The following SLC6A11 variants were observed in gnomAD, a reference collection of about 807,000 sequenced individuals.
The protein encoded by SLC6A11 is solute carrier family 6 member 11, also known as sodium- and chloride-dependent GABA transporter 3.
In SLC6A11, 25 loss-of-function variants were observed where a neutral mutation model predicts 74.8. The ratio of observed to expected loss-of-function variants is 0.33; its 90% CI spans 0.24 to 0.47. SLC6A11 has a LOEUF of 0.47. SLC6A11 is among the 20% of genes least tolerant of loss of function. The probability of loss-of-function intolerance (pLI) is 1.00; values close to 1 mark genes in which losing one functional copy is unlikely to be tolerated. For synonymous variants in SLC6A11, 330 were observed against 330.2 expected (o/e 1.00, Z 0.01); for missense variants, 574 against 837.0 (o/e 0.69, Z 3.88).
intron 4 of SLC6A11, among the ~76,000 whole-genome samples, chr3:10,841,806 T>C (rs185581424): frequency 6.6e-4 from 101 of 152,152 alleles, no homozygotes; most frequent in African/African-American, 2.4e-3. Flanking sequence ...CACATGTCTG[T>C]GTGTGTGTGT....
chr3:10,920,289 CAG>C (rs567097435), intron 8 of SLC6A11, among the ~76,000 whole-genome samples: 182 of 152,210 alleles, frequency 1.2e-3, no homozygotes, highest in African/African-American at 4.3e-3. Context: ...TGTGGAAAAA[CAG>C]AGAAACATTA....
intron 5 of SLC6A11, 129 bp from the exon 6 acceptor site, chr3:10,874,832 G>A (rs1185874397): frequency 7.1e-6 from 6 of 842,594 alleles, no homozygotes; most frequent in South Asian, 4.6e-5. Context: ...CTATACACGC[G>A]GGGGAATGCT....
At chr3:10,922,173 A>G (rs1459058949) in intron 8 of SLC6A11, among the ~76,000 whole-genome samples, 3 of 152,216 alleles carry the variant, frequency 2.0e-5, no homozygotes, top group Admixed American at 1.3e-4. Context: ...GCAGAGCACA[A>G]TTCTTTTCCA....
At chr3:10,839,480 G>C (rs1226108863) in intron 4 of SLC6A11, among the ~76,000 whole-genome samples, 1 of 152,102 alleles carries the variant, frequency 6.6e-6, no homozygotes, top group Non-Finnish European at 1.5e-5. Context: ...CCCTCCCTCT[G>C]CCTTGAGGAT....
chr3:10,877,587 C>T (rs546862271), intron 6 of SLC6A11, among the ~76,000 whole-genome samples: 17 of 152,324 alleles, frequency 1.1e-4, no homozygotes, highest in Admixed American at 3.3e-4. Flanking sequence ...CTCTGACTTC[C>T]AGACTCTCAG....
intron 5 of SLC6A11, among the ~76,000 whole-genome samples, chr3:10,873,540 C>A (rs1694861160): frequency 6.8e-6 from 1 of 146,074 alleles, no homozygotes; most frequent in South Asian, 2.1e-4. Context: ...CTGTCCTATC[C>A]TATCCTATCC....
At chr3:10,848,289 G>C (rs1408232793) in intron 5 of SLC6A11, among the ~76,000 whole-genome samples, 1 of 152,212 alleles carries the variant, frequency 6.6e-6, no homozygotes, top group East Asian at 1.9e-4. Flanking sequence ...ATCAGGTCAC[G>C]AATAAGTTGA....
intron 6 of SLC6A11, among the ~76,000 whole-genome samples, chr3:10,906,052 A>G (rs868719076): frequency 1.3e-5 from 2 of 152,068 alleles, no homozygotes; most frequent in Non-Finnish European, 2.9e-5. Context: ...TGATGTCTCA[A>G]ACTTCCCTTC....
chr3:10,836,373 T>C (rs921506469), intron 4 of SLC6A11, among the ~76,000 whole-genome samples: 3 of 152,260 alleles, frequency 2.0e-5, no homozygotes, highest in Non-Finnish European at 4.4e-5. Flanking sequence ...CTTGGGCTTA[T>C]ATTCAGGAGA....
intron 6 of SLC6A11, among the ~76,000 whole-genome samples, chr3:10,897,149 A>G (rs1695181338): frequency 6.6e-6 from 1 of 152,168 alleles, no homozygotes; most frequent in Non-Finnish European, 1.5e-5. Flanking sequence ...ATTACCTCCC[A>G]CCAGATCCCT....
At chr3:10,873,399 G>GCTATGCTATC (rs1694852474) in intron 5 of SLC6A11, among the ~76,000 whole-genome samples, 6 of 90,762 alleles carry the variant, frequency 6.6e-5, no homozygotes, top group Non-Finnish European at 1.1e-4. Context: ...CCTATCCTAT[G>GCTATGCTATC]CTATCCTATC....
chr3:10,887,791 CTT>C (rs1391242791), intron 6 of SLC6A11, among the ~76,000 whole-genome samples: 1 of 152,172 alleles, frequency 6.6e-6, no homozygotes, highest in African/African-American at 2.4e-5. Flanking sequence ...GAAGAAAAGT[CTT>C]TTCAGAAAGA....
intron 5 of SLC6A11, among the ~76,000 whole-genome samples, chr3:10,873,991 C>CGCTACGCTAT (rs1553671319): frequency 1.2e-3 from 165 of 136,470 alleles, no homozygotes; most frequent in Middle Eastern, 7.1e-3. Flanking sequence ...CGCTACGCTA[C>CGCTACGCTAT]GCTATGCTAT....
In SLC6A11 at chr3:10,816,596, G is replaced by C; in HGVS notation, c.256+75G>C. ...GGCGGGGAGCCAGGGGCGAGCGCGA[G>C]ACCCCCTCCCGCGCCTGCGTGGAGC... is the stretch of plus-strand genomic sequence containing the variant. On this transcript the variant is annotated intron_variant, in intron 1 of 13. Coordinates refer to ENST00000254488, the MANE Select transcript of SLC6A11 (RefSeq NM_014229.3). This position sits in a 1 kb window ranked among gnomAD's most constrained non-coding sequence, Gnocchi z 4.2. 2 of 1,390,408 alleles carry C rather than the reference G, an allele frequency of 1.4e-6. No homozygotes were observed. The highest frequency in any genetic ancestry group is 1.5e-5 in the South Asian group (1 of 66,026). 86.1% of individuals were successfully genotyped at this position (1,390,408 alleles called of 1,614,324 possible).
At chr3:10,873,675 A>G (rs1308508893) in intron 5 of SLC6A11, among the ~76,000 whole-genome samples, 69 of 105,956 alleles carry the variant, frequency 6.5e-4, no homozygotes, top group Admixed American at 2.9e-3. Flanking sequence ...ATCCTATCCT[A>G]TCCTATCCCG....
intron 12 of SLC6A11, among the ~76,000 whole-genome samples, chr3:10,934,534 CT>C (rs1695733500): frequency 1.3e-5 from 2 of 152,238 alleles, no homozygotes; most frequent in Admixed American, 1.3e-4. Context: ...AAGGGTGACA[CT>C]GGGGTTCATG....
At chr3:10,838,934 C>T (rs1412907171) in intron 4 of SLC6A11, among the ~76,000 whole-genome samples, 1 of 152,148 alleles carries the variant, frequency 6.6e-6, no homozygotes, top group Non-Finnish European at 1.5e-5. Flanking sequence ...CAGTTCCGCT[C>T]CTTCCTCCAA....
chr3:10,857,401 G>A (rs557835774), intron 5 of SLC6A11, among the ~76,000 whole-genome samples: 2 of 152,262 alleles, frequency 1.3e-5, no homozygotes, highest in African/African-American at 4.8e-5. Context: ...AGCCATTGAT[G>A]TTCCTGAGTA....
chr3:10,892,445 G>A (rs1306480449), intron 6 of SLC6A11, among the ~76,000 whole-genome samples: 5 of 152,108 alleles, frequency 3.3e-5, no homozygotes, highest in South Asian at 2.1e-4. Context: ...TGCATGGTAC[G>A]AAACTCCCAG....
Sources: allele counts gnomAD v4.1 joint callset (sites outside exome capture counted in the v4.1 genomes callset), GRCh38; gene constraint gnomAD v4.1.1; non-coding constraint Gnocchi (gnomAD v3.1); transcripts MANE v1.5; gene names NCBI Gene and HGNC (gene_info 2026-07-23, HGNC 2026-07-21).